The following SETMAR variants were observed in gnomAD, a reference collection of about 807,000 sequenced individuals.
The protein encoded by SETMAR is histone-lysine N-methyltransferase SETMAR.
In SETMAR, 44 loss-of-function variants were observed where a neutral mutation model predicts 58.4. The observed-to-expected ratio is 0.75, with a 90% confidence interval of 0.59 to 0.97. The LOEUF is 0.97. Among genes scored for constraint, SETMAR ranks in the 50% least tolerant of loss-of-function variants. The pLI, the probability that SETMAR is intolerant of heterozygous loss-of-function variation, is 0.00. For missense variants in SETMAR, 903 were observed against 840.2 expected (o/e 1.07, Z -0.92); for synonymous variants, 332 against 307.4 (o/e 1.08, Z -0.84).
At position 4,312,896 on chromosome 3, in the gene SETMAR, A is replaced by G; in HGVS notation, c.157-2A>G. 6.2e-7 allele frequency: 1 copy of G among 1,601,434 alleles called. No individual in the cohort carries two copies. The highest frequency in any genetic ancestry group is 8.5e-7 in the Non-Finnish European group (1 of 1,174,326). On this transcript the variant is annotated splice_acceptor_variant, in intron 1 of 2. Coordinates refer to ENST00000358065, the MANE Select transcript of SETMAR (RefSeq NM_006515.4). LOFTEE classifies it high-confidence loss of function. Reference sequence around the variant, plus strand: ...GACTTACAGTGTGTATATTTTTTACAGTACACTCCTGATCATGTAGTTGGA... The same window carrying G: ...GACTTACAGTGTGTATATTTTTTACGGTACACTCCTGATCATGTAGTTGGA...
intron 2 of SETMAR, 44 bp downstream of exon 2, chr3:4,313,805 G>T (rs757059286): frequency 6.2e-7 from 1 of 1,608,574 alleles, no homozygotes; most frequent in South Asian, 1.1e-5. Context: ...CCCTATAGTG[G>T]AAGACAGTGG....
At chr3:4,311,947 C>T (rs1411219454) in intron 1 of SETMAR, among the ~76,000 whole-genome samples, 1 of 152,122 alleles carries the variant, frequency 6.6e-6, no homozygotes, top group Non-Finnish European at 1.5e-5. Context: ...GAGGATCTAA[C>T]CAGAGATCAG....
At chr3:4,306,858 A>G (rs1189286575) in intron 1 of SETMAR, among the ~76,000 whole-genome samples, 2 of 152,254 alleles carry the variant, frequency 1.3e-5, no homozygotes, top group Non-Finnish European at 2.9e-5. Flanking sequence ...TCAAATGTTC[A>G]TATTGGAAAC....
At chr3:4,310,774 TC>T (rs1698374855) in intron 1 of SETMAR, among the ~76,000 whole-genome samples, 1 of 151,902 alleles carries the variant, frequency 6.6e-6, no homozygotes, top group Non-Finnish European at 1.5e-5. Context: ...GTTATCCATG[TC>T]AAAAAAAAAA....
intron 2 of SETMAR, chr3:4,314,446 A>C (rs1698554249): frequency 6.6e-6 from 1 of 152,396 alleles, no homozygotes; most frequent in Non-Finnish European, 1.5e-5. Context: ...GATCAAGGAA[A>C]AAGGCATTAT....
chr3:4,313,215 T>C lies in SETMAR; in HGVS notation c.474T>C (p.Phe158=), dbSNP rs770355831. Residue 158 remains phenylalanine (F), a synonymous_variant, in exon 2 of 3, where the codon TTT becomes TTC. Coordinates refer to ENST00000358065, the MANE Select transcript of SETMAR (RefSeq NM_006515.4). ...KKGWGLRTLE[F]IPKGRFVCEY... ...GCTGGGGACTTCGTACCTTGGAATT[T>C]ATACCGAAAGGAAGGTTTGTCTGTG... 8.7e-6 allele frequency: 14 copies of C among 1,613,952 alleles called. No individual in the cohort carries two copies. The South Asian group carries it at 1.4e-4, about 16-fold the overall frequency.
At chr3:4,310,727 T>A (rs979124184) in intron 1 of SETMAR, among the ~76,000 whole-genome samples, 2 of 152,204 alleles carry the variant, frequency 1.3e-5, no homozygotes, top group Non-Finnish European at 2.9e-5. Flanking sequence ...TTTCACCTGC[T>A]TTCCTGATTA....
intron 2 of SETMAR, among the ~76,000 whole-genome samples, chr3:4,315,340 C>T (rs1036819557): frequency 6.6e-6 from 1 of 152,180 alleles, no homozygotes; most frequent in Non-Finnish European, 1.5e-5. Flanking sequence ...ATTGGCTCAC[C>T]ATTTGATTCT....
At chr3:4,309,020 G>A (rs1003703248) in intron 1 of SETMAR, among the ~76,000 whole-genome samples, 2 of 152,168 alleles carry the variant, frequency 1.3e-5, no homozygotes, top group Admixed American at 6.5e-5. Flanking sequence ...ACGTACATTG[G>A]TTCAGTCCAG....
rs745829583 is a variant in SETMAR, at chr3:4,313,728, T to C, written c.987T>C (p.Ser329=). 44 of 1,613,936 alleles carry C rather than the reference T, an allele frequency of 2.7e-5. No individual in the cohort carries two copies. Among genetic ancestry groups the C allele is most frequent in the Non-Finnish European group, 1.7e-6 (2 of 1,179,974 alleles). ...CCAGCATGTGTGGCTCAGCCCCTTCTGTGTTCCCCTCCTGCAAGCGATTGA... is the reference window on the plus strand; with the variant it reads ...CCAGCATGTGTGGCTCAGCCCCTTCCGTGTTCCCCTCCTGCAAGCGATTGA... The part of the protein sequence containing the change: ...KEPSMCGSAP[S]VFPSCKRLTL... Residue 329 remains serine, a synonymous_variant, in exon 2 of 3, where the codon TCT becomes TCC. Coordinates refer to ENST00000358065, the MANE Select transcript of SETMAR (RefSeq NM_006515.4).
Position 4,316,786 on chromosome 3 carries a change from T to C in SETMAR, c.1595T>C (p.Met532Thr). The part of the protein sequence containing the change: ...PKPILHPKKV[M>T]VTIWWSAAGL... ...CCAATCTTGCACCCAAAAAAGGTCA[T>C]GGTCACTATTTGGTGGTCTGCTGCT... Residue 532 changes from methionine to threonine, a missense_variant, in exon 3 of 3, where the codon ATG becomes ACG. By Grantham distance (81) the Met-to-Thr change is moderately conservative. Transcript: ENST00000358065. 5 of 1,550,796 alleles carry C rather than the reference T, an allele frequency of 3.2e-6. No individual in the cohort carries two copies. The highest frequency in any genetic ancestry group is 4.4e-6 in the Non-Finnish European group (5 of 1,146,734).
At chr3:4,305,829 A>T (rs1169672800) in intron 1 of SETMAR, among the ~76,000 whole-genome samples, 2 of 152,208 alleles carry the variant, frequency 1.3e-5, no homozygotes, top group East Asian at 3.8e-4. Flanking sequence ...GAGTAGAATA[A>T]GATATTAATG....
chr3:4,304,892 T>C (rs1413704774), intron 1 of SETMAR, among the ~76,000 whole-genome samples: 2 of 151,628 alleles, frequency 1.3e-5, no homozygotes, highest in African/African-American at 4.9e-5. Context: ...TTTATACATG[T>C]TTGGGAGAGA....
intron 1 of SETMAR, among the ~76,000 whole-genome samples, chr3:4,304,719 A>G (rs779264857): frequency 3.5e-4 from 54 of 152,200 alleles, no homozygotes; most frequent in Admixed American, 2.0e-3. Flanking sequence ...CAGATAAGAT[A>G]AGAGATTCAA....
At chr3:4,309,472 G>T (rs1698319070) in intron 1 of SETMAR, among the ~76,000 whole-genome samples, 1 of 152,098 alleles carries the variant, frequency 6.6e-6, no homozygotes, top group South Asian at 2.1e-4. Flanking sequence ...GTATCAGTCA[G>T]GACTCATTTG....
At chr3:4,303,803 C>A in intron 1 of SETMAR, 1 of 1,402,904 alleles carries the variant, frequency 7.1e-7, no homozygotes, top group African/African-American at 1.4e-5. Context: ...CAGTCCTGTC[C>A]TCAGAACTCA....
Position 4,303,400 on chromosome 3 carries a change from G to T in SETMAR, c.30G>T (p.Arg10=). 2.6e-6 allele frequency: 4 copies of T among 1,559,082 alleles called. No individual in the cohort carries two copies. Among genetic ancestry groups the T allele is most frequent in the Non-Finnish European group, 3.5e-6 (4 of 1,156,742 alleles). The part of the protein sequence containing the change: MFAEAAKTT[R]PCGMAEFKEK... ...TCGCGGAAGCGGCAAAGACGACACG[G>T]CCTTGTGGGATGGCGGAGTTTAAGG... Residue 10 remains arginine, a synonymous_variant, in exon 1 of 3, where the codon CGG becomes CGT. Transcript: ENST00000358065.
intron 2 of SETMAR, among the ~76,000 whole-genome samples, chr3:4,315,092 G>T (rs1295648286): frequency 6.6e-6 from 1 of 152,028 alleles, no homozygotes; most frequent in Non-Finnish European, 1.5e-5. Flanking sequence ...TGAACAAATG[G>T]TACTAGAGTA....
chr3:4,314,730 C>T (rs1354033292), intron 2 of SETMAR, among the ~76,000 whole-genome samples: 1 of 152,150 alleles, frequency 6.6e-6, no homozygotes, highest in East Asian at 1.9e-4. Flanking sequence ...TCTAGAGCAG[C>T]AAACATCTCT....
Sources: allele counts gnomAD v4.1 joint callset (sites outside exome capture counted in the v4.1 genomes callset), GRCh38; gene constraint gnomAD v4.1.1; transcripts MANE v1.5; gene names NCBI Gene and HGNC (gene_info 2026-07-23, HGNC 2026-07-21).